Variants in ZCCHC14 observed in about 807,000 individuals in gnomAD.
The protein encoded by ZCCHC14 is zinc finger CCHC-type containing 14.
In ZCCHC14, 16 loss-of-function variants were observed where a neutral mutation model predicts 85.0. The observed-to-expected ratio is 0.19, with a 90% CI of 0.13 to 0.29. The LOEUF (loss-of-function observed/expected upper bound fraction) is 0.29, where lower values mean the gene tolerates loss of function less well. Ranked by LOEUF, ZCCHC14 falls within the 10% of genes least tolerant of loss-of-function variation. The probability of loss-of-function intolerance (pLI) is 1.00; values close to 1 mark genes in which losing one functional copy is unlikely to be tolerated. For missense variants in ZCCHC14, 1,303 were observed against 1,443.5 expected, an observed-to-expected ratio of 0.90 and a Z score of 1.58; for synonymous variants, 775 against 630.7, an observed-to-expected ratio of 1.23 and a Z score of -3.43.
At chr16:87,482,885 G>A (rs1313349046) in intron 1 of ZCCHC14, among the ~76,000 whole-genome samples, 1 of 152,142 alleles carries the variant, frequency 6.6e-6, no homozygotes, top group Non-Finnish European at 1.5e-5. Flanking sequence ...AGGCGACACT[G>A]CAGGGGACTG....
chr16:87,460,649 C>T (rs549730959), intron 1 of ZCCHC14, among the ~76,000 whole-genome samples: 4 of 152,028 alleles, frequency 2.6e-5, no homozygotes, highest in South Asian at 2.1e-4. Context: ...AAGATGGTGA[C>T]ACTACACTCC....
intron 1 of ZCCHC14, among the ~76,000 whole-genome samples, chr16:87,467,898 G>A (rs919461744): frequency 3.3e-5 from 5 of 152,146 alleles, no homozygotes; most frequent in East Asian, 1.9e-4. Flanking sequence ...TGGTCCGCCC[G>A]CCTCAGCCTC....
intron 1 of ZCCHC14, among the ~76,000 whole-genome samples, chr16:87,489,977 G>T (rs998397003): frequency 1.3e-5 from 2 of 152,166 alleles, no homozygotes; most frequent in Non-Finnish European, 2.9e-5. Flanking sequence ...AAATGACTGA[G>T]ATTCCATGAA....
rs917913410 is a variant in ZCCHC14 at position 87,417,555 on chromosome 16, G to A, written c.1288C>T (p.Pro430Ser). Reference protein sequence around the residue: ...AILMPSSLQTPQTQEQNGILD... With the variant: ...AILMPSSLQTSQTQEQNGILD... ...ATCCCATTCTGCTCCTGGGTCTGAG[G>A]GGTCTGCAGACTGGAAGGCATGAGG... Residue 430 changes from proline to serine, a missense_variant, in exon 8 of 13, where the codon CCT (proline) becomes TCT (serine). Pro to Ser is a moderately conservative substitution (Grantham distance 74). Transcript: ENST00000671377. The A allele has an allele frequency of 8.7e-6, 14 of 1,614,260 alleles. No homozygotes were observed. The highest frequency in any genetic ancestry group is 1.6e-4 in the Middle Eastern group (1 of 6,062).
chr16:87,459,999 T>C lies in ZCCHC14; in HGVS notation c.694+9A>G, dbSNP rs767647455. ...CAGACGTCCTCCTGAAACCCGTGCG[T>C]GCACTCACCTTTGCTGTGTTTTCCT... On this transcript the variant is annotated intron_variant, in intron 2 of 12. Transcript: ENST00000671377. 6.2e-7 allele frequency: 1 copy of C among 1,614,138 alleles called. No individual in the cohort carries two copies. The highest frequency in any genetic ancestry group is 8.5e-7 in the Non-Finnish European group (1 of 1,179,992).
chr16:87,410,639 C>T (rs1226848028), intron 12 of ZCCHC14, among the ~76,000 whole-genome samples: 5 of 152,234 alleles, frequency 3.3e-5, no homozygotes, highest in Non-Finnish European at 7.3e-5. Context: ...CGTCCTTTCA[C>T]TGGGTGAGGG....
intron 3 of ZCCHC14, among the ~76,000 whole-genome samples, chr16:87,425,821 T>G (rs1441945036): frequency 6.6e-6 from 1 of 152,164 alleles, no homozygotes; most frequent in African/African-American, 2.4e-5. Context: ...AAACGTCTCC[T>G]CTGCACAGCT....
In ZCCHC14 at chr16:87,420,288, A is replaced by G. The variant is rs1012903591; in HGVS notation, c.950+319T>C. On this transcript the variant is annotated intron_variant, in intron 5 of 12. Transcript: ENST00000671377. This position sits in a 1 kb window ranked among gnomAD's most constrained non-coding sequence, Gnocchi z 5.0. The stretch of plus-strand genomic sequence containing the variant: ...CAGAGAAACTGTTTAAGAGACGCCA[A>G]TTTTATCTGGGAATAGTCTCAACCT... 1.3e-5 allele frequency among the ~76,000 whole-genome samples: 2 copies of G among 152,218 alleles called. No individual in the cohort carries two copies. The highest frequency in any genetic ancestry group is 2.9e-5 in the Non-Finnish European group (2 of 68,044).
Position 87,409,270 on chromosome 16 carries a change from G to C in ZCCHC14, c.*1010C>G, listed in dbSNP as rs1030719129. 9 of 152,192 alleles carry C rather than the reference G, an allele frequency of 5.9e-5. No homozygotes were observed. Among genetic ancestry groups the C allele is most frequent in the South Asian group, 4.1e-4 (2 of 4,828 alleles). The allele number at this position is 152,192 out of a possible 1,614,324, so 9.4% of individuals were successfully genotyped here. A position where few individuals can be genotyped will look rare whatever the true frequency, so the allele number is the denominator to read the frequency against. On this transcript the variant is annotated 3_prime_UTR_variant, in exon 13 of 13. Coordinates refer to ENST00000671377, the MANE Select transcript of ZCCHC14 (RefSeq NM_015144.3). ...ATCATTGTTGAAATGTCTGTCTCAG[G>C]TGTGAATCCGCTAGCGATAAGCCTC...
intron 1 of ZCCHC14, among the ~76,000 whole-genome samples, chr16:87,475,678 G>C (rs1197630492): frequency 4.6e-5 from 7 of 151,486 alleles, no homozygotes; most frequent in Admixed American, 4.0e-4. Context: ...TGAATCTGAA[G>C]ATGGATCAAT....
At position 87,492,475 on chromosome 16, in the gene ZCCHC14, GGCCCGGGGC is replaced by G. The variant is rs1009515752; in HGVS notation, c.-246_-238del. On this transcript the variant is annotated 5_prime_UTR_variant, in exon 1 of 13. Coordinates refer to ENST00000671377, the MANE Select transcript of ZCCHC14 (RefSeq NM_015144.3). The surrounding 1 kb of genome is among the most constrained non-coding windows in gnomAD (Gnocchi z 6.7). ...GCGGGCGCGCGCGGGGCGCCGGGGG[GGCCCGGGGC>G]GGCCGGGGCGGCCGGGGGCGGCGAG... 1 of 144,970 alleles carries G rather than the reference GGCCCGGGGC, an allele frequency of 6.9e-6. No individual in the cohort carries two copies. Among genetic ancestry groups the G allele is most frequent in the African/African-American group, 2.5e-5 (1 of 40,566 alleles). The allele number at this position is 144,970 out of a possible 1,614,324, so 9.0% of individuals were successfully genotyped here.
At chr16:87,468,792 T>A (rs1275421369) in intron 1 of ZCCHC14, among the ~76,000 whole-genome samples, 1 of 152,150 alleles carries the variant, frequency 6.6e-6, no homozygotes, top group Admixed American at 6.5e-5. Flanking sequence ...CTGTTAAACA[T>A]CCTGCAGAGC....
At chr16:87,486,717 T>G (rs964823643) in intron 1 of ZCCHC14, among the ~76,000 whole-genome samples, 8 of 152,154 alleles carry the variant, frequency 5.3e-5, no homozygotes, top group Admixed American at 2.6e-4. Context: ...ATCTCCTGTA[T>G]CTCCTGTAAT....
chr16:87,442,216 C>A (rs567384173), intron 2 of ZCCHC14, among the ~76,000 whole-genome samples: 10 of 152,270 alleles, frequency 6.6e-5, no homozygotes, highest in Admixed American at 5.9e-4. Flanking sequence ...AGCAATGCCC[C>A]CAAAGGACGA....
At chr16:87,464,189 G>A (rs1405002862) in intron 1 of ZCCHC14, among the ~76,000 whole-genome samples, 1 of 152,190 alleles carries the variant, frequency 6.6e-6, no homozygotes, top group East Asian at 1.9e-4. Context: ...GGAGAGGAGG[G>A]CTGAGCAGGG....
chr16:87,413,201 GA>G lies in ZCCHC14; in HGVS notation c.1604-7del. On this transcript the variant is annotated splice_region_variant and splice_polypyrimidine_tract_variant and intron_variant, in intron 10 of 12. Transcript: ENST00000671377. ...CTCCACTTCCACCCGCAGCTCTGCAGAAAAGGGACAGAGGAGCAGCCATCAA... is the reference window on the plus strand; with the variant it reads ...CTCCACTTCCACCCGCAGCTCTGCAGAAAGGGACAGAGGAGCAGCCATCAA... 1 of 1,547,760 alleles carries G rather than the reference GA, an allele frequency of 6.5e-7. No homozygotes were observed. Among genetic ancestry groups the G allele is most frequent in the East Asian group, 2.4e-5 (1 of 41,782 alleles).
In ZCCHC14 at chr16:87,411,688, G is replaced by C. The variant is rs1195659622; in HGVS notation, c.3033C>G (p.Pro1011=). The C allele has an allele frequency of 6.2e-7, 1 of 1,614,114 alleles. No individual in the cohort carries two copies. The highest frequency in any genetic ancestry group is 1.1e-5 in the South Asian group (1 of 91,090). The change falls in exon 12 of 13, where the codon CCC becomes CCG. Residue 1011 remains proline (P), a synonymous_variant. Transcript: ENST00000671377. ...LSGQSTFAVP[P]MQNFMAGTAG... ...CTGTCCCTGCCATGAAGTTCTGCAT[G>C]GGTGGCACGGCAAACGTGGACTGCC...
chr16:87,452,188 C>T lies in ZCCHC14; in HGVS notation c.694+7820G>A, dbSNP rs141266960. On this transcript the variant is annotated intron_variant, in intron 2 of 12. Coordinates refer to ENST00000671377, the MANE Select transcript of ZCCHC14 (RefSeq NM_015144.3). ...GATGAGGGGGAAGAAACAATGATAG[C>T]CTTGCAGGGCCAAAGCCACATGTGG... is the stretch of plus-strand genomic sequence containing the variant. Among the ~76,000 whole-genome samples, 459 of 152,320 alleles carry T rather than the reference C, an allele frequency of 3.0e-3. 1 individual carries two copies. The highest frequency in any genetic ancestry group is 4.5e-3 in the Non-Finnish European group (308 of 68,020).
intron 1 of ZCCHC14, chr16:87,471,993 C>T (rs1384441615): frequency 6.6e-6 from 1 of 152,270 alleles, no homozygotes; most frequent in Non-Finnish European, 1.5e-5. Context: ...GCTCTGACCA[C>T]TGCTGTCTTC....
Sources: allele counts gnomAD v4.1 joint callset (sites outside exome capture counted in the v4.1 genomes callset), GRCh38; gene constraint gnomAD v4.1.1; non-coding constraint Gnocchi (gnomAD v3.1); transcripts MANE v1.5; gene names NCBI Gene and HGNC (gene_info 2026-07-23, HGNC 2026-07-21).